Variants in LSM7 observed in about 807,000 individuals in gnomAD.
LSM7 encodes LSM7 homolog, U6 small nuclear RNA and mRNA degradation associated.
In LSM7, 13 loss-of-function variants were observed where a neutral mutation model predicts 14.1. That is an observed-to-expected ratio of 0.92 (90% CI 0.60 to 1.47). LSM7 has a LOEUF of 1.47. Among genes scored for constraint, LSM7 ranks in the 40% most tolerant of loss-of-function variants. LSM7 has a pLI of 0.00. For synonymous variants in LSM7, 70 were observed against 57.1 expected, an observed-to-expected ratio of 1.23 and a Z score of -1.02; for missense variants, 108 against 140.8, an observed-to-expected ratio of 0.77 and a Z score of 1.18.
In LSM7 at chr19:2,321,692, C is replaced by A; in HGVS notation, c.300G>T (p.Gln100His). 1 of 1,549,610 alleles carries A rather than the reference C, an allele frequency of 6.5e-7. No homozygotes were observed. The change falls in exon 4 of 4, where the codon CAG (glutamine) becomes CAT (histidine). Residue 100 changes from glutamine (Q) to histidine (H), a missense_variant. By Grantham distance (24) the Gln-to-His change is conservative (BLOSUM62 0). Transcript: ENST00000252622. This position sits in a 1 kb window ranked among gnomAD's most constrained non-coding sequence, Gnocchi z 5.0. ...GCCCCCGGCCAGGCTAGGCGTCCTG[C>A]TGCTGGATGAAGGGGTTGGGGATGG... ...MEAIPNPFIQ[Q>H]QDA
rs117738309 is a variant in LSM7, at chr19:2,326,869, G to A, written c.97+1518C>T. Among the ~76,000 whole-genome samples the A allele has an allele frequency of 2.6e-5, 4 of 152,328 alleles. No homozygotes were observed. The East Asian group carries it at 7.7e-4, about 29-fold the overall frequency. On this transcript the variant is annotated intron_variant, in intron 2 of 3. Coordinates refer to ENST00000252622, the MANE Select transcript of LSM7 (RefSeq NM_016199.3). ...AGCACTGTAGGGGCAGACCACCACGGTGGAACAGAGTCCCGAGCTGGCAGC... is the reference window on the plus strand; with the variant it reads ...AGCACTGTAGGGGCAGACCACCACGATGGAACAGAGTCCCGAGCTGGCAGC...
intron 2 of LSM7, among the ~76,000 whole-genome samples, chr19:2,327,506 G>A (rs1968055215): frequency 6.6e-6 from 1 of 151,956 alleles, no homozygotes; most frequent in Admixed American, 6.6e-5. Flanking sequence ...CTCCCAAAGT[G>A]TCAAGATTAA....
In LSM7 at chr19:2,321,870, C is replaced by T. The variant is rs577577155; in HGVS notation, c.170-48G>A. The T allele has an allele frequency of 1.7e-5, 23 of 1,359,632 alleles. No homozygotes were observed. Among genetic ancestry groups the T allele is most frequent in the East Asian group, 9.1e-5 (3 of 33,006 alleles). The allele number at this position is 1,359,632 out of a possible 1,614,324, so 84.2% of individuals were successfully genotyped here. ...GACTGAGGGACCTCCAGGAAGCCTC[C>T]GAGACCCCCCACCCACCCAAGACCC... On this transcript the variant is annotated intron_variant, in intron 3 of 3. Coordinates refer to ENST00000252622, the MANE Select transcript of LSM7 (RefSeq NM_016199.3). This position sits in a 1 kb window ranked among gnomAD's most constrained non-coding sequence, Gnocchi z 5.0.
At chr19:2,326,542 G>A (rs1027454725) in intron 2 of LSM7, among the ~76,000 whole-genome samples, 3 of 152,178 alleles carry the variant, frequency 2.0e-5, no homozygotes, top group South Asian at 2.1e-4. Flanking sequence ...TGCCATGTAG[G>A]CCAGGCTGGT....
chr19:2,324,555 T>C (rs1967985792), intron 2 of LSM7: 1 of 266,690 alleles, frequency 3.7e-6, no homozygotes, highest in Non-Finnish European at 7.2e-6. Context: ...GTGAATTTCA[T>C]GTAATTTCCA....
chr19:2,324,648 A>C, intron 2 of LSM7: 1 of 169,238 alleles, frequency 5.9e-6, no homozygotes, highest in Non-Finnish European at 1.3e-5. Flanking sequence ...GCAGCAGCAA[A>C]ACAGGCGGCG....
intron 2 of LSM7, among the ~76,000 whole-genome samples, chr19:2,325,180 T>G (rs962626515): frequency 8.6e-5 from 13 of 152,030 alleles, no homozygotes; most frequent in Non-Finnish European, 1.6e-4. Flanking sequence ...CCAACTTAGG[T>G]TAGGGCTCTC....
chr19:2,326,215 C>T (rs1192730207), intron 2 of LSM7: 1 of 152,218 alleles, frequency 6.6e-6, no homozygotes, highest in African/African-American at 2.4e-5. Flanking sequence ...TAATTAGAGC[C>T]CCTGAATCAG....
At position 2,321,699 on chromosome 19, in the gene LSM7, A is replaced by G; in HGVS notation, c.293T>C (p.Ile98Thr). The G allele has an allele frequency of 1.3e-6, 2 of 1,555,822 alleles. No homozygotes were observed. Among genetic ancestry groups the G allele is most frequent in the Non-Finnish European group, 1.7e-6 (2 of 1,152,088 alleles). ...DGMEAIPNPF[I>T]QQQDA Reference sequence around the variant, plus strand: ...GCCAGGCTAGGCGTCCTGCTGCTGGATGAAGGGGTTGGGGATGGCCTCCAT... The same window carrying G: ...GCCAGGCTAGGCGTCCTGCTGCTGGGTGAAGGGGTTGGGGATGGCCTCCAT... Residue 98 changes from isoleucine to threonine, a missense_variant, in exon 4 of 4, where the codon ATC becomes ACC. Ile to Thr is a moderately conservative substitution (Grantham distance 89, BLOSUM62 -1). Transcript: ENST00000252622. This position sits in a 1 kb window ranked among gnomAD's most constrained non-coding sequence, Gnocchi z 5.0.
At chr19:2,327,339 T>G (rs1599181713) in intron 2 of LSM7, among the ~76,000 whole-genome samples, 1 of 145,920 alleles carries the variant, frequency 6.9e-6, no homozygotes, top group Non-Finnish European at 1.5e-5. Flanking sequence ...GCCTCTGGGG[T>G]TCAAGCAATT....
At chr19:2,323,173 G>A (rs904446347) in intron 3 of LSM7, among the ~76,000 whole-genome samples, 2 of 152,170 alleles carry the variant, frequency 1.3e-5, no homozygotes, top group South Asian at 2.1e-4. Context: ...AGGACTTGGC[G>A]GCCTCACTGG....
At chr19:2,323,576 G>A (rs887182044) in intron 3 of LSM7, among the ~76,000 whole-genome samples, 4 of 152,152 alleles carry the variant, frequency 2.6e-5, no homozygotes, top group South Asian at 2.1e-4. Context: ...TCAGCCTCCC[G>A]AGCAGCTGGG....
intron 3 of LSM7, among the ~76,000 whole-genome samples, chr19:2,323,522 C>T (rs997091040): frequency 2.0e-5 from 3 of 152,174 alleles, no homozygotes; most frequent in Admixed American, 6.5e-5. Context: ...ACCATCTCGG[C>T]TCACTGCAAC....
intron 2 of LSM7, 60 bp downstream of exon 2, chr19:2,328,327 T>C: frequency 7.0e-7 from 1 of 1,420,282 alleles, no homozygotes; most frequent in Non-Finnish European, 9.9e-7. Flanking sequence ...TCATCATCTC[T>C]GTTGCTGGGT....
At chr19:2,327,174 T>C (rs1968042055) in intron 2 of LSM7, among the ~76,000 whole-genome samples, 1 of 152,250 alleles carries the variant, frequency 6.6e-6, no homozygotes, top group African/African-American at 2.4e-5. Context: ...AGGGAAGCAG[T>C]GTGACCAGCA....
At chr19:2,325,098 C>T (rs1180871699) in intron 2 of LSM7, among the ~76,000 whole-genome samples, 3 of 152,194 alleles carry the variant, frequency 2.0e-5, no homozygotes, top group Non-Finnish European at 4.4e-5. Context: ...GGGGCTGAGA[C>T]GGTCTCTGTG....
intron 2 of LSM7, 64 bp from the exon 3 acceptor site, chr19:2,324,260 GC>G: frequency 7.7e-7 from 1 of 1,301,838 alleles, no homozygotes; most frequent in Non-Finnish European, 1.1e-6. Flanking sequence ...CGCAGGGCCC[GC>G]CCCAGCATGG....
intron 2 of LSM7, among the ~76,000 whole-genome samples, chr19:2,326,784 A>C (rs1968029745): frequency 6.6e-6 from 1 of 152,232 alleles, no homozygotes; most frequent in South Asian, 2.1e-4. Context: ...ACCCTTTCTG[A>C]AAGATGATTC....
chr19:2,326,807 G>A (rs1968030568), intron 2 of LSM7, among the ~76,000 whole-genome samples: 1 of 152,210 alleles, frequency 6.6e-6, no homozygotes, highest in South Asian at 2.1e-4. Context: ...CCACTGGCCC[G>A]AATAACTGAA....
Sources: gnomAD v4.1 joint callset for allele counts (sites outside exome capture counted in the v4.1 genomes callset) on GRCh38, gnomAD v4.1.1 for gene constraint, Gnocchi (gnomAD v3.1) non-coding constraint, MANE v1.5 for transcripts, NCBI Gene and HGNC (gene_info 2026-07-23, HGNC 2026-07-21) for gene names.